The following MTMR9 variants were observed in gnomAD, a reference collection of about 807,000 sequenced individuals.
MTMR9 encodes myotubularin-related protein 9.
MTMR9 carries 39 observed loss-of-function variants against 69.5 expected under a neutral mutation model. The ratio of observed to expected loss-of-function variants is 0.56; its 90% CI spans 0.43 to 0.73. The LOEUF (loss-of-function observed/expected upper bound fraction) is 0.73, where lower values mean the gene tolerates loss of function less well. MTMR9 is among the 30% of genes least tolerant of loss of function. MTMR9 has a pLI of 0.00. For missense variants in MTMR9, 900 were observed against 671.2 expected (o/e 1.34, Z -3.77); for synonymous variants, 354 against 240.8 (o/e 1.47, Z -4.35).
intron 9 of MTMR9, among the ~76,000 whole-genome samples, chr8:11,322,386 G>T: frequency 6.6e-6 from 1 of 152,136 alleles, no homozygotes; most frequent in East Asian, 1.9e-4. Context: ...GGATATTTCT[G>T]AAGAATCAAT....
chr8:11,296,298 T>G (rs896665763), intron 2 of MTMR9, among the ~76,000 whole-genome samples: 6 of 152,186 alleles, frequency 3.9e-5, no homozygotes, highest in Non-Finnish European at 8.8e-5. Flanking sequence ...TTAGTTGATG[T>G]GTGTAGAATG....
downstream of MTMR9, chr8:11,330,950 G>A (rs1585149336): frequency 2.4e-6 from 3 of 1,238,234 alleles, no homozygotes; most frequent in Admixed American, 3.1e-5. Context: ...AGAAAGAAAA[G>A]AAGCAGAGTT....
Position 11,288,590 on chromosome 8 carries a change from G to C in MTMR9, c.182+3520G>C, listed in dbSNP as rs1225594047. 3.9e-5 allele frequency among the ~76,000 whole-genome samples: 6 copies of C among 152,058 alleles called. No individual in the cohort carries two copies. In the East Asian group the frequency reaches 1.2e-3, roughly 29 times the overall value. ...AAGACTTGAGATGGGGAACATGCTT[G>C]GCATGTGCAGAGAAGAGCGAAGAGG... On this transcript the variant is annotated intron_variant, in intron 1 of 9. Coordinates refer to ENST00000221086, the MANE Select transcript of MTMR9 (RefSeq NM_015458.4).
chr8:11,285,151 C>T (rs940782649), intron 1 of MTMR9, 81 bp downstream of exon 1: 5 of 1,375,806 alleles, frequency 3.6e-6, no homozygotes, highest in Non-Finnish European at 4.9e-6. Context: ...CTGGCGTTTT[C>T]CGCGCAGCCT....
chr8:11,319,391 T>G (rs1800566786), intron 8 of MTMR9: 1 of 311,836 alleles, frequency 3.2e-6, no homozygotes, highest in Non-Finnish European at 5.9e-6. Flanking sequence ...TTGTGTACAG[T>G]AATGTTCTCT....
rs35471543 is a variant in MTMR9, at chr8:11,298,720, A to ACGC, written c.292-1302_292-1301insGCC. On this transcript the variant is annotated intron_variant, in intron 2 of 9. Transcript: ENST00000221086. Reference sequence around the variant, plus strand: ...TGATATGGTATCCTTTCCCCGCTGCACCCCCCCCCCGCCATCCAGTATAGA... The same window carrying ACGC: ...TGATATGGTATCCTTTCCCCGCTGCACGCCCCCCCCCCCGCCATCCAGTATAGA... 3.1e-3 allele frequency: 2,289 copies of ACGC among 726,788 alleles called. 25 individuals are homozygous for ACGC. The East Asian group carries it at 0.045, about 14-fold the overall frequency. 45.0% of individuals were successfully genotyped at this position (726,788 alleles called of 1,614,324 possible).
chr8:11,285,758 C>A lies in MTMR9; in HGVS notation c.182+688C>A, dbSNP rs138559484. Among the ~76,000 whole-genome samples the A allele has an allele frequency of 3.2e-3, 488 of 152,172 alleles. 2 individuals are homozygous for A. The highest frequency in any genetic ancestry group is 0.011 in the African/African-American group (463 of 41,524). On this transcript the variant is annotated intron_variant, in intron 1 of 9. Coordinates refer to ENST00000221086, the MANE Select transcript of MTMR9 (RefSeq NM_015458.4). Reference sequence around the variant, plus strand: ...CCTCGAAGTCAAAAAGTTAAACTTTCATCTGCATTCAAAATTCCCATCTCC... The same window carrying A: ...CCTCGAAGTCAAAAAGTTAAACTTTAATCTGCATTCAAAATTCCCATCTCC...
At position 11,319,754 on chromosome 8, in the gene MTMR9, A is replaced by C; in HGVS notation, c.1402A>C (p.Ser468Arg). ...CTGGGTTAATCAGCCCAGTGAGCTGAGTAAATTCACCAATCCCCTCTTTGA... is the reference window on the plus strand; with the variant it reads ...CTGGGTTAATCAGCCCAGTGAGCTGCGTAAATTCACCAATCCCCTCTTTGA... ...WSWVNQPSEL[S>R]KFTNPLFEAN... Residue 468 changes from serine to arginine, a missense_variant, in exon 9 of 10, where the codon AGT (serine) becomes CGT (arginine). By Grantham distance (110) the Ser-to-Arg change is moderately radical. Transcript: ENST00000221086. 6.2e-7 allele frequency: 1 copy of C among 1,614,214 alleles called. No individual in the cohort carries two copies.
chr8:11,309,744 T>G (rs77232290), intron 6 of MTMR9, 56 bp downstream of exon 6: 2 of 1,579,232 alleles, frequency 1.3e-6, no homozygotes, highest in African/African-American at 1.4e-5. Flanking sequence ...CTAGACTTTG[T>G]GTTTATCCAG....
At chr8:11,337,626 CCAGTAGTGTTGA>C in the MTMR9 span, among the ~76,000 whole-genome samples, 1 of 152,238 alleles carries the variant, frequency 6.6e-6, no homozygotes, top group Non-Finnish European at 1.5e-5. Flanking sequence ...ATGGCAGAGG[CCAGTAGTGTTGA>C]CATAGCCCTG....
chr8:11,295,104 CTA>C, intron 1 of MTMR9, 88 bp from the exon 2 acceptor site: 1 of 698,270 alleles, frequency 1.4e-6, no homozygotes, highest in Non-Finnish European at 2.4e-6. Flanking sequence ...TAGATGGTAA[CTA>C]CAACTATATT....
At chr8:11,305,090 G>C in intron 4 of MTMR9, 76 bp downstream of exon 4, 4 of 1,422,060 alleles carry the variant, frequency 2.8e-6, no homozygotes, top group African/African-American at 1.4e-5. Context: ...GTTCCCTTTT[G>C]CTCTCTGTCT....
intron 1 of MTMR9, among the ~76,000 whole-genome samples, chr8:11,287,914 GTATTATA>G (rs1799234868): frequency 8.2e-6 from 1 of 122,266 alleles, no homozygotes; most frequent in African/African-American, 3.2e-5. Flanking sequence ...AACATAATAT[GTATTATA>G]TATTATATAA....
chr8:11,322,884 A>G lies in MTMR9; in HGVS notation c.*96A>G, dbSNP rs967314914. The G allele has an allele frequency of 5.4e-5, 62 of 1,154,338 alleles. No individual in the cohort carries two copies. Among genetic ancestry groups the G allele is most frequent in the Non-Finnish European group, 7.4e-5 (60 of 813,564 alleles). The allele number at this position is 1,154,338 out of a possible 1,614,324, so 71.5% of individuals were successfully genotyped here. On this transcript the variant is annotated 3_prime_UTR_variant, in exon 10 of 10. Transcript: ENST00000221086. ...GTTCACTTTTACACGGTAGCCTTGA[A>G]GTGAAGGCTTTAGATGTGGGACCCC...
chr8:11,289,401 G>C (rs1413143861), intron 1 of MTMR9, among the ~76,000 whole-genome samples: 2 of 151,980 alleles, frequency 1.3e-5, no homozygotes, highest in African/African-American at 2.4e-5. Context: ...CAAGTCTGTG[G>C]AATACTTTCA....
At position 11,323,954 on chromosome 8, in the gene MTMR9, T is replaced by C. The variant is rs1268335231; in HGVS notation, c.*1166T>C. The C allele has an allele frequency of 2.0e-5, 3 of 152,208 alleles. No individual in the cohort carries two copies. Among genetic ancestry groups the C allele is most frequent in the African/African-American group, 7.2e-5 (3 of 41,452 alleles). The allele number at this position is 152,208 out of a possible 1,614,324, so 9.4% of individuals were successfully genotyped here. A position where few individuals can be genotyped will look rare whatever the true frequency, so the allele number is the denominator to read the frequency against. ...AGTATTATAGAAACAGTGATGACTA[T>C]TCATGCTCTGCTAGTCTATGCCTGC... On this transcript the variant is annotated 3_prime_UTR_variant, in exon 10 of 10. Coordinates refer to ENST00000221086, the MANE Select transcript of MTMR9 (RefSeq NM_015458.4).
At chr8:11,332,583 A>G (rs1218318395), downstream of MTMR9, among the ~76,000 whole-genome samples, 1 of 148,580 alleles carries the variant, frequency 6.7e-6, no homozygotes, top group Non-Finnish European at 1.5e-5. Context: ...GGTTCGATAG[A>G]GTTTGTTTGT....
At chr8:11,322,395 A>G (rs3808501) in intron 9 of MTMR9, among the ~76,000 whole-genome samples, 10,487 of 152,284 alleles carry the variant, frequency 0.069, 841 homozygotes, top group Admixed American at 0.24. Flanking sequence ...TGAAGAATCA[A>G]TGAGCATGTA....
intron 5 of MTMR9, among the ~76,000 whole-genome samples, chr8:11,309,269 G>A (rs1800094720): frequency 6.6e-6 from 1 of 152,174 alleles, no homozygotes. Flanking sequence ...CCTATAGTCA[G>A]ATAATCCAGG....
Sources: gnomAD v4.1 joint callset for allele counts (sites outside exome capture counted in the v4.1 genomes callset) on GRCh38, gnomAD v4.1.1 for gene constraint, MANE v1.5 for transcripts, NCBI Gene and HGNC (gene_info 2026-07-23, HGNC 2026-07-21) for gene names.